Variants in FMR1 observed in about 807,000 individuals in gnomAD.
The protein encoded by FMR1 is FMRP translational regulator 1.
In FMR1, 13 loss-of-function variants were observed where a neutral mutation model predicts 50.6. That is an observed-to-expected ratio of 0.26 (90% CI 0.17 to 0.41). FMR1 has a LOEUF of 0.41. FMR1 is among the 10% of genes least tolerant of loss of function. The probability of loss-of-function intolerance (pLI) is 1.00; values close to 1 mark genes in which losing one functional copy is unlikely to be tolerated. For missense variants in FMR1, 316 were observed against 491.3 expected (o/e 0.64, Z 3.37); for synonymous variants, 138 against 164.1 (o/e 0.84, Z 1.22).
In FMR1 at chrX:147,951,008, G is replaced by T; in HGVS notation, c.*2164G>T. The T allele has an allele frequency of 4.0e-6, 1 of 249,882 alleles. No individual in the cohort carries two copies. Among genetic ancestry groups the T allele is most frequent in the Non-Finnish European group, 7.5e-6 (1 of 132,779 alleles). 20.6% of individuals were successfully genotyped at this position (249,882 alleles called of 1,213,427 possible). A position where few individuals can be genotyped will look rare whatever the true frequency, so the allele number is the denominator to read the frequency against. On this transcript the variant is annotated 3_prime_UTR_variant, in exon 17 of 17. Transcript: ENST00000370475. ...CAATATTTGTGTGCTAAACGTGTAT[G>T]TTTTTCAGTTCAAAGTCATGATGTT...
chrX:147,937,388 T>G lies in FMR1; in HGVS notation c.991-78T>G, dbSNP rs187675969. ...CTTACATTTTTTAAAAATATGATGA[T>G]TGATAACACTAATAGAGCTAAATAA... On this transcript the variant is annotated intron_variant, in intron 10 of 16. Coordinates refer to ENST00000370475, the MANE Select transcript of FMR1 (RefSeq NM_002024.6). 2.2e-3 allele frequency: 1,357 copies of G among 628,911 alleles called. 5 individuals carry two copies. Among genetic ancestry groups the G allele is most frequent in the Non-Finnish European group, 6.8e-4 (257 of 376,711 alleles). 51.8% of individuals were successfully genotyped at this position (628,911 alleles called of 1,213,427 possible). A position where few individuals can be genotyped will look rare whatever the true frequency, so the allele number is the denominator to read the frequency against.
intron 1 of FMR1, among the ~76,000 whole-genome samples, chrX:147,921,024 C>T (rs1225689213): frequency 1.8e-5 from 2 of 111,664 alleles, no homozygotes; most frequent in Admixed American, 9.5e-5. Flanking sequence ...TGGCTATGGT[C>T]CTGCAGGCAG....
intron 3 of FMR1, among the ~76,000 whole-genome samples, chrX:147,925,867 A>G (rs1259134828): frequency 8.9e-6 from 1 of 112,059 alleles, no homozygotes; most frequent in African/African-American, 3.2e-5. Context: ...CACTGCCGCA[A>G]GTTCCTTTGC....
At chrX:147,919,552 A>T (rs781997549) in intron 1 of FMR1, among the ~76,000 whole-genome samples, 1 of 112,726 alleles carries the variant, frequency 8.9e-6, no homozygotes, top group Non-Finnish European at 1.9e-5. Context: ...GATCAAAATG[A>T]TAAGAAAATG....
chrX:147,923,561 T>C (rs782364335), intron 2 of FMR1, among the ~76,000 whole-genome samples: 2 of 112,276 alleles, frequency 1.8e-5, no homozygotes, highest in South Asian at 3.7e-4. Flanking sequence ...CCTCTATGCA[T>C]TTAAGAATTT....
chrX:147,933,758 CTT>C lies in FMR1; in HGVS notation c.880+997_880+998del, dbSNP rs1196822440. The C allele has an allele frequency of 5.2e-5, 23 of 445,772 alleles. No homozygotes were observed. In the Admixed American group the frequency reaches 5.3e-4, roughly 10 times the overall value. The allele number at this position is 445,772 out of a possible 1,213,427, so 36.7% of individuals were successfully genotyped here. On this transcript the variant is annotated intron_variant, in intron 9 of 16. Transcript: ENST00000370475. ...TAAAGTAATACATGTTCTTTGGAAACTTTAAAGAAGAAAGCAAGGACTTCTCA... is the reference window on the plus strand; with the variant it reads ...TAAAGTAATACATGTTCTTTGGAAACTAAAGAAGAAAGCAAGGACTTCTCA...
At chrX:147,913,474 A>G (rs1357115339) in intron 1 of FMR1, 1 of 112,327 alleles carries the variant, frequency 8.9e-6, no homozygotes, top group Non-Finnish European at 1.9e-5. Context: ...AGCTATTAGC[A>G]GTGTCCAACA....
chrX:147,912,379 G>T (rs1481839373), intron 1 of FMR1, 149 bp downstream of exon 1: 1 of 535,503 alleles, frequency 1.9e-6, no homozygotes, highest in South Asian at 3.3e-5. Flanking sequence ...GGGAGGGAAG[G>T]ACTGGACTTG....
intron 13 of FMR1, among the ~76,000 whole-genome samples, chrX:147,942,241 C>A (rs2044033263): frequency 8.9e-6 from 1 of 112,075 alleles, no homozygotes; most frequent in African/African-American, 3.2e-5. Context: ...ATGATAACCT[C>A]TGCTTCACTG....
intron 1 of FMR1, 93 bp downstream of exon 1, chrX:147,912,323 C>G (rs2042620034): frequency 4.6e-6 from 4 of 863,818 alleles, no homozygotes; most frequent in South Asian, 2.3e-5. Context: ...GCCCTCTTCC[C>G]GAGCACCGCG....
At chrX:147,928,127 C>G in intron 3 of FMR1, 195 bp from the exon 4 acceptor site, 2 of 393,182 alleles carry the variant, frequency 5.1e-6, no homozygotes, top group Non-Finnish European at 8.9e-6. Context: ...AAAGCAATCT[C>G]AGGTAGTTTC....
chrX:147,930,039 T>G lies in FMR1; in HGVS notation c.511T>G (p.Leu171Val), dbSNP rs782750259. 31 of 1,186,409 alleles carry G rather than the reference T, an allele frequency of 2.6e-5. No individual in the cohort carries two copies. Among genetic ancestry groups the G allele is most frequent in the Non-Finnish European group, 3.2e-5 (28 of 873,843 alleles). Residue 171 changes from leucine to valine, a missense_variant and splice_region_variant, in exon 6 of 17, where the codon TTG becomes GTG. Physicochemically the swap from Leu to Val is conservative, Grantham distance 32 (BLOSUM62 1). Transcript: ENST00000370475. ...YDPENYQLVI[L>V]SINEVTSKRA... ...TCCAGAAAATTATCAGCTTGTCATTTTGGTGAGCATTTTTGAGTTGTTTAT... is the reference window on the plus strand; with the variant it reads ...TCCAGAAAATTATCAGCTTGTCATTGTGGTGAGCATTTTTGAGTTGTTTAT...
At chrX:147,925,041 T>C (rs1251578554) in intron 2 of FMR1, 1 of 132,531 alleles carries the variant, frequency 7.5e-6, no homozygotes, top group Non-Finnish European at 1.5e-5. Context: ...GGATCTAAAA[T>C]TTAAAGGGGG....
In FMR1 at chrX:147,923,180, G is replaced by A. The variant is rs183760491; in HGVS notation, c.104+1195G>A. Reference sequence around the variant, plus strand: ...TAGTATCCTTAGATGCCTGAAACACGTGTAGGGGGACAGAGATAAAAGGAT... The same window carrying A: ...TAGTATCCTTAGATGCCTGAAACACATGTAGGGGGACAGAGATAAAAGGAT... On this transcript the variant is annotated intron_variant, in intron 2 of 16. Coordinates refer to ENST00000370475, the MANE Select transcript of FMR1 (RefSeq NM_002024.6). Among the ~76,000 whole-genome samples, 270 of 111,897 alleles carry A rather than the reference G, an allele frequency of 2.4e-3. 2 individuals carry two copies. Among genetic ancestry groups the A allele is most frequent in the Non-Finnish European group, 3.5e-3 (186 of 53,102 alleles).
chrX:147,916,544 CTTGGTTTTCTTTT>C (rs1162508930), intron 1 of FMR1, among the ~76,000 whole-genome samples: 13 of 111,311 alleles, frequency 1.2e-4, no homozygotes, highest in Non-Finnish European at 2.3e-4. Flanking sequence ...GGTTTTCTTT[CTTGGTTTTCTTTT>C]TTGGTTTTCT....
At chrX:147,928,242 A>C in intron 3 of FMR1, 80 bp from the exon 4 acceptor site, 4 of 949,646 alleles carry the variant, frequency 4.2e-6, no homozygotes, top group Non-Finnish European at 6.0e-6. Flanking sequence ...ATTTTAAGAA[A>C]ATTTCCTCGA....
rs782390448 is a variant in FMR1, at chrX:147,949,220, T to C, written c.*376T>C. On this transcript the variant is annotated 3_prime_UTR_variant, in exon 17 of 17. Coordinates refer to ENST00000370475, the MANE Select transcript of FMR1 (RefSeq NM_002024.6). The stretch of plus-strand genomic sequence containing the variant: ...ATATATAGCATTTATGGTAATCATA[T>C]TAGACTTCTGTTTTCAATCTCGTAT... 53 of 336,136 alleles carry C rather than the reference T, an allele frequency of 1.6e-4. No homozygotes were observed. Among genetic ancestry groups the C allele is most frequent in the Non-Finnish European group, 2.1e-4 (37 of 176,181 alleles). 27.7% of individuals were successfully genotyped at this position (336,136 alleles called of 1,213,427 possible). A position where few individuals can be genotyped will look rare whatever the true frequency, so the allele number is the denominator to read the frequency against.
chrX:147,931,736 A>G (rs1381515191), intron 7 of FMR1, among the ~76,000 whole-genome samples: 1 of 111,957 alleles, frequency 8.9e-6, no homozygotes, highest in Non-Finnish European at 1.9e-5. Flanking sequence ...GCTCATCATA[A>G]TTGTGGATCC....
chrX:147,919,452 A>G (rs781934113), intron 1 of FMR1, among the ~76,000 whole-genome samples: 2 of 112,393 alleles, frequency 1.8e-5, no homozygotes, highest in South Asian at 7.4e-4. Flanking sequence ...TAATAATTCT[A>G]AAATATCATT....
Sources: gnomAD v4.1 joint callset for allele counts (sites outside exome capture counted in the v4.1 genomes callset) on GRCh38, gnomAD v4.1.1 for gene constraint, MANE v1.5 for transcripts, NCBI Gene and HGNC (gene_info 2026-07-23, HGNC 2026-07-21) for gene names.